Variants in RAB10 observed in about 807,000 individuals in gnomAD.
RAB10 encodes ras-related protein Rab-10.
A neutral mutation model predicts 25.7 loss-of-function variants in RAB10; 5 were observed. The observed-to-expected ratio is 0.19, with a 90% CI of 0.10 to 0.41. The LOEUF (loss-of-function observed/expected upper bound fraction) is 0.41, where lower values mean the gene tolerates loss of function less well. Ranked by LOEUF, RAB10 falls within the 10% of genes least tolerant of loss-of-function variation. The pLI is 1.00. For missense variants in RAB10, 103 were observed against 245.8 expected (o/e 0.42, Z 3.89); for synonymous variants, 89 against 86.4 (o/e 1.03, Z -0.16).
intron 3 of RAB10, among the ~76,000 whole-genome samples, chr2:26,116,602 G>C (rs1667695002): frequency 8.1e-6 from 1 of 123,624 alleles, no homozygotes; most frequent in African/African-American, 3.1e-5. Flanking sequence ...TGTCGCCCAG[G>C]CTGGAGTGCA....
At chr2:26,064,032 C>T (rs969732891) in intron 1 of RAB10, among the ~76,000 whole-genome samples, 2 of 152,148 alleles carry the variant, frequency 1.3e-5, no homozygotes, top group African/African-American at 4.8e-5. Flanking sequence ...GAACTCCTGA[C>T]CACAGCTGAT....
At chr2:26,082,030 A>G (rs904028880) in intron 1 of RAB10, among the ~76,000 whole-genome samples, 7 of 152,186 alleles carry the variant, frequency 4.6e-5, no homozygotes, top group African/African-American at 1.4e-4. Flanking sequence ...AATGGTAAAA[A>G]TGTGTGGAAA....
At chr2:26,060,251 T>C (rs986687781) in intron 1 of RAB10, among the ~76,000 whole-genome samples, 2 of 152,216 alleles carry the variant, frequency 1.3e-5, no homozygotes, top group Non-Finnish European at 1.5e-5. Flanking sequence ...TATTACTCTT[T>C]CATTTTGTTC....
intron 5 of RAB10, among the ~76,000 whole-genome samples, chr2:26,128,351 G>A (rs932352237): frequency 1.3e-5 from 2 of 152,272 alleles, no homozygotes; most frequent in Admixed American, 6.5e-5. Context: ...GGGTGGCCCC[G>A]TTCTTAACAG....
rs1048194930 is a variant in RAB10 at position 26,132,768 on chromosome 2, C to CG, written c.520-2170_520-2169insG. On this transcript the variant is annotated intron_variant, in intron 5 of 5. Transcript: ENST00000264710. Reference sequence around the variant, plus strand: ...TTTTGCTCCGCAAGAGATACCCCCCCCCCTTTTTTTTAAATCTGTTTCAAG... The same window carrying CG: ...TTTTGCTCCGCAAGAGATACCCCCCCGCCCTTTTTTTTAAATCTGTTTCAAG... 5.9e-4 allele frequency among the ~76,000 whole-genome samples: 83 copies of CG among 141,810 alleles called. 2 individuals are homozygous for CG. The highest frequency in any genetic ancestry group is 2.5e-3 in the South Asian group (10 of 4,038). The allele number at this position is 141,810 out of a possible 152,430, so 93.0% of individuals were successfully genotyped here.
intron 1 of RAB10, 41 bp downstream of exon 1, chr2:26,034,776 C>CA: frequency 1.9e-6 from 3 of 1,610,230 alleles, no homozygotes; most frequent in Non-Finnish European, 2.5e-6. Context: ...TCGGTAGCTG[C>CA]ATACCGTTTA....
chr2:26,098,089 TTTTCTTTC>T (rs1176811767), intron 1 of RAB10, among the ~76,000 whole-genome samples: 30 of 145,648 alleles, frequency 2.1e-4, no homozygotes, highest in African/African-American at 6.1e-4. Flanking sequence ...TCTTTCTTCT[TTTTCTTTC>T]TTTCTTTCTT....
In RAB10 at chr2:26,092,261, CTGTG is replaced by C. The variant is rs56875863; in HGVS notation, c.128-6343_128-6340del. On this transcript the variant is annotated intron_variant, in intron 1 of 5. Transcript: ENST00000264710. ...TGGAGATCATTGATCATAGTGAGAG[CTGTG>C]TGTGTGTGTGTGTGTGTGTGTGTGT... Among the ~76,000 whole-genome samples, 668 of 130,832 alleles carry C rather than the reference CTGTG, an allele frequency of 5.1e-3. 3 individuals carry two copies. The highest frequency in any genetic ancestry group is 0.018 in the East Asian group (76 of 4,306). 85.8% of individuals were successfully genotyped at this position (130,832 alleles called of 152,430 possible). A position where few individuals can be genotyped will look rare whatever the true frequency, so the allele number is the denominator to read the frequency against.
intron 2 of RAB10, among the ~76,000 whole-genome samples, chr2:26,108,973 A>G (rs569201770): frequency 6.6e-6 from 1 of 151,898 alleles, no homozygotes; most frequent in South Asian, 2.1e-4. Context: ...GTGTAGTGGC[A>G]CCATCTTGGC....
intron 5 of RAB10, among the ~76,000 whole-genome samples, chr2:26,132,284 G>C (rs762132238): frequency 6.6e-6 from 1 of 152,138 alleles, no homozygotes; most frequent in Non-Finnish European, 1.5e-5. Flanking sequence ...ACGGAATTTT[G>C]CCCTTGTTGC....
At chr2:26,107,627 T>G (rs1422336943) in intron 2 of RAB10, among the ~76,000 whole-genome samples, 1 of 151,686 alleles carries the variant, frequency 6.6e-6, no homozygotes, top group East Asian at 1.9e-4. Flanking sequence ...GAAACCCCAT[T>G]TCTACTAAAA....
At chr2:26,107,669 G>A (rs945588247) in intron 2 of RAB10, among the ~76,000 whole-genome samples, 3 of 151,944 alleles carry the variant, frequency 2.0e-5, no homozygotes, top group Admixed American at 6.6e-5. Flanking sequence ...GGTGGTGGGC[G>A]CCTGTGATCC....
At chr2:26,074,593 A>G (rs986408203) in intron 1 of RAB10, among the ~76,000 whole-genome samples, 5 of 151,992 alleles carry the variant, frequency 3.3e-5, no homozygotes, top group South Asian at 2.1e-4. Flanking sequence ...TAATTTTTGT[A>G]TTTTTGGTAG....
intron 1 of RAB10, among the ~76,000 whole-genome samples, chr2:26,083,274 C>CTTTT: frequency 6.6e-6 from 1 of 151,946 alleles, no homozygotes; most frequent in Non-Finnish European, 1.5e-5. Context: ...AATAACCTAC[C>CTTTT]TTCTCCACAA....
intron 1 of RAB10, among the ~76,000 whole-genome samples, chr2:26,072,310 G>C (rs1054722538): frequency 2.6e-5 from 4 of 152,112 alleles, no homozygotes; most frequent in African/African-American, 7.2e-5. Flanking sequence ...CAGCTACTCG[G>C]GAGGCTGAGG....
chr2:26,050,350 T>C (rs1666104834), intron 1 of RAB10, among the ~76,000 whole-genome samples: 1 of 152,208 alleles, frequency 6.6e-6, no homozygotes, highest in South Asian at 2.1e-4. Context: ...TCTGATTCTT[T>C]ATCCTTTATT....
intron 1 of RAB10, among the ~76,000 whole-genome samples, chr2:26,074,898 C>G (rs376272342): frequency 6.6e-6 from 1 of 152,142 alleles, no homozygotes; most frequent in South Asian, 2.1e-4. Flanking sequence ...CGAGTAAATG[C>G]TTGTAAAATG....
chr2:26,082,198 G>GA (rs768889381), intron 1 of RAB10, among the ~76,000 whole-genome samples: 2 of 152,010 alleles, frequency 1.3e-5, no homozygotes, highest in African/African-American at 4.8e-5. Flanking sequence ...ATGGGAAGGG[G>GA]AAAAAATGGA....
intron 1 of RAB10, among the ~76,000 whole-genome samples, chr2:26,085,359 G>A (rs1006893872): frequency 2.6e-5 from 4 of 151,628 alleles, no homozygotes; most frequent in East Asian, 1.9e-4. Context: ...GTGTGGTGAC[G>A]CGCGCCTGGT....
Sources: gnomAD v4.1 joint callset for allele counts (sites outside exome capture counted in the v4.1 genomes callset) on GRCh38, gnomAD v4.1.1 for gene constraint, MANE v1.5 for transcripts, NCBI Gene and HGNC (gene_info 2026-07-23, HGNC 2026-07-21) for gene names.